STUM: variants seen among roughly 807,000 people sequenced by gnomAD.
STUM encodes protein stum homolog.
STUM carries 8 observed loss-of-function variants against 15.3 expected under a neutral mutation model. The observed-to-expected ratio is 0.52, with a 90% CI of 0.31 to 0.94. The LOEUF (loss-of-function observed/expected upper bound fraction) is 0.94. Among genes scored for constraint, STUM ranks in the 40% least tolerant of loss-of-function variants. The pLI is 0.05. For synonymous variants in STUM, 78 were observed against 88.7 expected (o/e 0.88, Z 0.68); for missense variants, 142 against 204.9 (o/e 0.69, Z 1.87).
At chr1:226,555,646 A>G (rs1347676842) in intron 1 of STUM, among the ~76,000 whole-genome samples, 2 of 152,212 alleles carry the variant, frequency 1.3e-5, no homozygotes, top group South Asian at 2.1e-4. Flanking sequence ...AGCTTCCTAC[A>G]TGGTCTGCTT....
chr1:226,595,706 A>C (rs1668168383), intron 1 of STUM, among the ~76,000 whole-genome samples: 1 of 152,220 alleles, frequency 6.6e-6, no homozygotes, highest in South Asian at 2.1e-4. Flanking sequence ...CAGCGAGAAG[A>C]TATAAAGACA....
intron 1 of STUM, among the ~76,000 whole-genome samples, chr1:226,572,443 T>C (rs1204044902): frequency 1.3e-5 from 2 of 152,028 alleles, no homozygotes; most frequent in Non-Finnish European, 2.9e-5. Context: ...AAACCCGAGG[T>C]GGGAGAGGCT....
At position 226,600,510 on chromosome 1, in the gene STUM, C is replaced by G. The variant is rs1270387034; in HGVS notation, c.383-156C>G. The G allele has an allele frequency of 4.7e-6, 4 of 843,604 alleles. No homozygotes were observed. Among genetic ancestry groups the G allele is most frequent in the Non-Finnish European group, 7.7e-6 (4 of 522,120 alleles). 52.3% of individuals were successfully genotyped at this position (843,604 alleles called of 1,614,324 possible). On this transcript the variant is annotated intron_variant, in intron 2 of 3. Transcript: ENST00000366788. The surrounding 1 kb of genome is among the most constrained non-coding windows in gnomAD (Gnocchi z 5.2). ...CTGCCTGGGGATGGCGTCTGAGAAG[C>G]CACTGGCATGGCCCCTGTCCCATCT...
chr1:226,595,212 T>G (rs1224238405), intron 1 of STUM, among the ~76,000 whole-genome samples: 1 of 152,122 alleles, frequency 6.6e-6, no homozygotes, highest in African/African-American at 2.4e-5. Flanking sequence ...GTGTGACGTG[T>G]AAAGGCAGGA....
chr1:226,549,495 G>A lies in STUM; in HGVS notation c.202+389G>A, dbSNP rs1295360989. On this transcript the variant is annotated intron_variant, in intron 1 of 3. Coordinates refer to ENST00000366788, the MANE Select transcript of STUM (RefSeq NM_001003665.4). The surrounding 1 kb of genome is among the most constrained non-coding windows in gnomAD (Gnocchi z 6.8). ...GAGCCCACTTCCCCGAGAGGAATGG[G>A]GTCGGATCAGAATGAGCTCTAGGGC... Among the ~76,000 whole-genome samples, 1 of 152,186 alleles carries A rather than the reference G, an allele frequency of 6.6e-6. No individual in the cohort carries two copies. The highest frequency in any genetic ancestry group is 6.5e-5 in the Admixed American group (1 of 15,274).
At chr1:226,597,366 T>A (rs1418262574) in intron 2 of STUM, 1 of 477,876 alleles carries the variant, frequency 2.1e-6, no homozygotes, top group African/African-American at 2.0e-5. Context: ...TAAGCAGCTG[T>A]GCATGTCTCC....
intron 1 of STUM, among the ~76,000 whole-genome samples, chr1:226,563,929 G>A (rs1187450416): frequency 1.3e-5 from 2 of 152,178 alleles, no homozygotes; most frequent in Non-Finnish European, 2.9e-5. Context: ...GGGTTCTGAG[G>A]CTCAAGGCAG....
intron 1 of STUM, among the ~76,000 whole-genome samples, chr1:226,579,628 C>CTTTTTTTTTT (rs772749044): frequency 1.5e-5 from 2 of 132,212 alleles, no homozygotes; most frequent in African/African-American, 2.9e-5. Flanking sequence ...GGCCTTATTT[C>CTTTTTTTTTT]TTTTTCTTTT....
intron 1 of STUM, among the ~76,000 whole-genome samples, chr1:226,576,335 T>C (rs1430068495): frequency 6.6e-6 from 1 of 152,014 alleles, no homozygotes. Flanking sequence ...CAGCCAAAAG[T>C]CTCCTGCAAG....
At chr1:226,583,419 T>C (rs1216868797) in intron 1 of STUM, among the ~76,000 whole-genome samples, 6 of 152,198 alleles carry the variant, frequency 3.9e-5, no homozygotes, top group African/African-American at 1.4e-4. Context: ...TTCTAATGAG[T>C]GCTCGGTGCA....
intron 1 of STUM, among the ~76,000 whole-genome samples, chr1:226,594,478 C>T (rs896426248): frequency 6.6e-6 from 1 of 151,886 alleles, no homozygotes; most frequent in African/African-American, 2.4e-5. Flanking sequence ...GGTCTGGGCC[C>T]GCTTTTAACA....
At chr1:226,578,108 C>T (rs934737340) in intron 1 of STUM, among the ~76,000 whole-genome samples, 6 of 152,108 alleles carry the variant, frequency 3.9e-5, no homozygotes, top group Non-Finnish European at 7.4e-5. Flanking sequence ...AGGATGATGC[C>T]GTCAAAAAGA....
chr1:226,593,931 G>A (rs1035593834), intron 1 of STUM, among the ~76,000 whole-genome samples: 5 of 152,348 alleles, frequency 3.3e-5, no homozygotes, highest in Admixed American at 2.0e-4. Flanking sequence ...TGCCACAGGC[G>A]ATGAGGCAGG....
In STUM at chr1:226,571,938, G is replaced by A. The variant is rs142998105; in HGVS notation, c.202+22832G>A. On this transcript the variant is annotated intron_variant, in intron 1 of 3. Transcript: ENST00000366788. ...TTACAGGCGTGAGCCACCACACCCG[G>A]CCCCTTTTCCCTTCCTTATTCTCCT... 6.4e-3 allele frequency among the ~76,000 whole-genome samples: 977 copies of A among 152,296 alleles called. 11 individuals carry two copies. The highest frequency in any genetic ancestry group is 0.022 in the African/African-American group (915 of 41,550).
chr1:226,597,160 C>T (rs1158566458), intron 2 of STUM, among the ~76,000 whole-genome samples, 179 bp downstream of exon 2: 1 of 152,216 alleles, frequency 6.6e-6, no homozygotes, highest in African/African-American at 2.4e-5. Context: ...GGACCCTCCC[C>T]GCCAGGCCTG....
intron 1 of STUM, among the ~76,000 whole-genome samples, chr1:226,581,054 T>C (rs1478580226): frequency 6.6e-6 from 1 of 152,234 alleles, no homozygotes; most frequent in Non-Finnish European, 1.5e-5. Flanking sequence ...GTTACCGCCA[T>C]GTCTTCTTTC....
intron 1 of STUM, among the ~76,000 whole-genome samples, chr1:226,585,231 AT>A (rs1371278142): frequency 6.6e-6 from 1 of 152,210 alleles, no homozygotes; most frequent in African/African-American, 2.4e-5. Flanking sequence ...TGAGAGCAGG[AT>A]TCATTGAGAT....
chr1:226,564,840 G>A (rs867558576), intron 1 of STUM, among the ~76,000 whole-genome samples: 10 of 152,270 alleles, frequency 6.6e-5, no homozygotes, highest in African/African-American at 9.6e-5. Context: ...GAGCCTCAGC[G>A]CTTAGCCTGA....
chr1:226,597,443 T>C (rs1368504774), intron 2 of STUM: 1 of 472,478 alleles, frequency 2.1e-6, no homozygotes, highest in African/African-American at 2.0e-5. Context: ...AGTTCCTCAA[T>C]AATTGACCTC....
Sources: allele counts gnomAD v4.1 joint callset (sites outside exome capture counted in the v4.1 genomes callset), GRCh38; gene constraint gnomAD v4.1.1; non-coding constraint Gnocchi (gnomAD v3.1); transcripts MANE v1.5; gene names NCBI Gene and HGNC (gene_info 2026-07-23, HGNC 2026-07-21).